The following PLA2G12A variants were observed in gnomAD, a reference collection of about 807,000 sequenced individuals.
The protein encoded by PLA2G12A is phospholipase A2 group XIIA.
Under a neutral mutation model 16.0 loss-of-function variants are expected in PLA2G12A, and 11 were observed. The ratio of observed to expected loss-of-function variants is 0.69; its 90% confidence interval spans 0.43 to 1.13. The LOEUF is 1.13. Among genes scored for constraint, PLA2G12A ranks in the 50% most tolerant of loss-of-function variants. The pLI is 0.00. For missense variants in PLA2G12A, 214 were observed against 237.3 expected (o/e 0.90, Z 0.65); for synonymous variants, 77 against 93.8 (o/e 0.82, Z 1.03).
rs1384956852 is a variant in PLA2G12A, at chr4:109,710,141, AAC to A, written c.*4234_*4235del. 1 of 152,224 alleles carries A rather than the reference AAC, an allele frequency of 6.6e-6. No individual in the cohort carries two copies. The highest frequency in any genetic ancestry group is 2.1e-4 in the South Asian group (1 of 4,832). The allele number at this position is 152,224 out of a possible 1,614,324, so 9.4% of individuals were successfully genotyped here. ...CTAAAAATGCTACTTCAAATATAGC[AAC>A]AGTCACTACATAAGGCTTAAATCAA... On this transcript the variant is annotated 3_prime_UTR_variant, in exon 4 of 4. Coordinates refer to ENST00000243501, the MANE Select transcript of PLA2G12A (RefSeq NM_030821.5).
chr4:109,714,743 T>C (rs1730796567), intron 3 of PLA2G12A, among the ~76,000 whole-genome samples: 1 of 150,642 alleles, frequency 6.6e-6, no homozygotes. Context: ...TTTTTTTTTT[T>C]TTTTTTTTTG....
chr4:109,729,266 G>T (rs909687209), intron 1 of PLA2G12A, among the ~76,000 whole-genome samples: 1 of 151,936 alleles, frequency 6.6e-6, no homozygotes, highest in Non-Finnish European at 1.5e-5. Flanking sequence ...AAACCAGTCT[G>T]TTCCACTCTA....
At chr4:109,717,399 T>A (rs1411300398) in intron 3 of PLA2G12A, 149 bp downstream of exon 3, 4 of 820,328 alleles carry the variant, frequency 4.9e-6, no homozygotes, top group Non-Finnish European at 5.6e-6. Context: ...TATAAAATCA[T>A]CAGCTCCTCA....
intron 2 of PLA2G12A, 108 bp downstream of exon 2, chr4:109,718,575 C>T: frequency 2.4e-6 from 2 of 822,756 alleles, no homozygotes; most frequent in Admixed American, 3.0e-5. Flanking sequence ...ACTCTTACAC[C>T]CAGCTAAATT....
rs779681161 is a variant in PLA2G12A, at chr4:109,729,655, G to A, written c.155C>T (p.Ala52Val). 2 of 1,611,956 alleles carry A rather than the reference G, an allele frequency of 1.2e-6. No individual in the cohort carries two copies. The highest frequency in any genetic ancestry group is 1.7e-6 in the Non-Finnish European group (2 of 1,179,830). ...VHKIDTYLNA[A>V]LDLLGGEDGL... ...GTCCTCGCCTCCCAGGAGGTCCAAG[G>A]CGGCGTTCAGGTACGTGTCTATCTT... The change falls in exon 1 of 4, where the codon GCC becomes GTC. Residue 52 changes from alanine (A) to valine (V), a missense_variant. Physicochemically the swap from Ala to Val is moderately conservative, Grantham distance 64. Coordinates refer to ENST00000243501, the MANE Select transcript of PLA2G12A (RefSeq NM_030821.5).
Position 109,710,376 on chromosome 4 carries a change from A to T in PLA2G12A, c.*4001T>A, listed in dbSNP as rs1266101305. 6.6e-6 allele frequency: 1 copy of T among 152,274 alleles called. No homozygotes were observed. Among genetic ancestry groups the T allele is most frequent in the African/African-American group, 2.4e-5 (1 of 41,480 alleles). The allele number at this position is 152,274 out of a possible 1,614,324, so 9.4% of individuals were successfully genotyped here. A position where few individuals can be genotyped will look rare whatever the true frequency, so the allele number is the denominator to read the frequency against. ...TAGGATAAAATAATGAGCATTGTGC[A>T]TCGCACCTTCTGATAATCTCATACT... On this transcript the variant is annotated 3_prime_UTR_variant, in exon 4 of 4. Coordinates refer to ENST00000243501, the MANE Select transcript of PLA2G12A (RefSeq NM_030821.5).
intron 1 of PLA2G12A, 68 bp from the exon 2 acceptor site, chr4:109,718,827 G>T: frequency 2.0e-6 from 2 of 1,017,384 alleles, no homozygotes; most frequent in Non-Finnish European, 2.9e-6. Context: ...ACTCAAAAAG[G>T]TCAATATGCT....
At chr4:109,728,914 A>C (rs1392308254) in intron 1 of PLA2G12A, among the ~76,000 whole-genome samples, 1 of 152,230 alleles carries the variant, frequency 6.6e-6, no homozygotes, top group Non-Finnish European at 1.5e-5. Flanking sequence ...TCTGCCTGAA[A>C]TACTGAGTTG....
rs964176131 is a variant in PLA2G12A at position 109,710,353 on chromosome 4, G to A, written c.*4024C>T. On this transcript the variant is annotated 3_prime_UTR_variant, in exon 4 of 4. Transcript: ENST00000243501. ...TAGATGTTATACGTGTCTTGTACTA[G>A]GATAAAATAATGAGCATTGTGCATC... 1 of 152,170 alleles carries A rather than the reference G, an allele frequency of 6.6e-6. No individual in the cohort carries two copies. The highest frequency in any genetic ancestry group is 1.5e-5 in the Non-Finnish European group (1 of 68,044). 9.4% of individuals were successfully genotyped at this position (152,170 alleles called of 1,614,324 possible).
intron 1 of PLA2G12A, among the ~76,000 whole-genome samples, chr4:109,720,529 T>C (rs1730903535): frequency 8.2e-6 from 1 of 121,588 alleles, no homozygotes; most frequent in African/African-American, 3.2e-5. Context: ...TGAGCCCAGG[T>C]TTTTGAGACC....
chr4:109,719,945 A>G (rs1438627093), intron 1 of PLA2G12A, among the ~76,000 whole-genome samples: 1 of 152,232 alleles, frequency 6.6e-6, no homozygotes, highest in Non-Finnish European at 1.5e-5. Context: ...GAAGTGCATT[A>G]AAGCAAAACA....
In PLA2G12A at chr4:109,729,835, C is replaced by A. The variant is rs1723016770; in HGVS notation, c.-26G>T. ...GCGCGCAGCGCCGGGCTCTACGGGT[C>A]CCCGAGCCGCGGCGCGGGGCGCGTC... On this transcript the variant is annotated 5_prime_UTR_variant, in exon 1 of 4. Transcript: ENST00000243501. 2 of 1,537,602 alleles carry A rather than the reference C, an allele frequency of 1.3e-6. No individual in the cohort carries two copies. The highest frequency in any genetic ancestry group is 1.2e-5 in the South Asian group (1 of 83,336).
In PLA2G12A at chr4:109,724,633, AT is replaced by A. The variant is rs147953824; in HGVS notation, c.208+4968del. Among the ~76,000 whole-genome samples the A allele has an allele frequency of 3.3e-3, 500 of 152,314 alleles. 6 individuals carry two copies. Among genetic ancestry groups the A allele is most frequent in the African/African-American group, 0.011 (460 of 41,562 alleles). ...TATAGACATTTTCTCATAAGAGATA[AT>A]TACCTTTGAATGGGAGAATGATCAG... On this transcript the variant is annotated intron_variant, in intron 1 of 3. Coordinates refer to ENST00000243501, the MANE Select transcript of PLA2G12A (RefSeq NM_030821.5).
At chr4:109,728,805 C>T (rs1232509254) in intron 1 of PLA2G12A, among the ~76,000 whole-genome samples, 1 of 152,212 alleles carries the variant, frequency 6.6e-6, no homozygotes, top group African/African-American at 2.4e-5. Context: ...GATCTCCCAA[C>T]TGCTCTCTTA....
At chr4:109,716,154 G>A (rs960557734) in intron 3 of PLA2G12A, among the ~76,000 whole-genome samples, 2 of 152,182 alleles carry the variant, frequency 1.3e-5, no homozygotes, top group Admixed American at 1.3e-4. Context: ...GTTTACCTTA[G>A]CCAAAAGCTG....
At chr4:109,724,822 A>G (rs1242585644) in intron 1 of PLA2G12A, among the ~76,000 whole-genome samples, 1 of 152,242 alleles carries the variant, frequency 6.6e-6, no homozygotes, top group Non-Finnish European at 1.5e-5. Context: ...TCTGAAGAAG[A>G]AAAGTTGATA....
chr4:109,721,632 C>T (rs7659831), intron 1 of PLA2G12A, among the ~76,000 whole-genome samples: 2,772 of 152,178 alleles, frequency 0.018, 37 homozygotes, highest in Non-Finnish European at 0.028. Flanking sequence ...GTCCTTCATT[C>T]CTAAGAAAAC....
At position 109,710,370 on chromosome 4, in the gene PLA2G12A, T is replaced by C. The variant is rs1247148632; in HGVS notation, c.*4007A>G. 6.6e-6 allele frequency: 1 copy of C among 152,264 alleles called. No homozygotes were observed. The allele number at this position is 152,264 out of a possible 1,614,324, so 9.4% of individuals were successfully genotyped here. On this transcript the variant is annotated 3_prime_UTR_variant, in exon 4 of 4. Coordinates refer to ENST00000243501, the MANE Select transcript of PLA2G12A (RefSeq NM_030821.5). The stretch of plus-strand genomic sequence containing the variant: ...TTGTACTAGGATAAAATAATGAGCA[T>C]TGTGCATCGCACCTTCTGATAATCT...
At position 109,729,883 on chromosome 4, in the gene PLA2G12A, C is replaced by A; in HGVS notation, c.-74G>T. 2 of 1,349,134 alleles carry A rather than the reference C, an allele frequency of 1.5e-6. No individual in the cohort carries two copies. Among genetic ancestry groups the A allele is most frequent in the South Asian group, 3.0e-5 (2 of 66,056 alleles). The allele number at this position is 1,349,134 out of a possible 1,614,324, so 83.6% of individuals were successfully genotyped here. A position where few individuals can be genotyped will look rare whatever the true frequency, so the allele number is the denominator to read the frequency against. On this transcript the variant is annotated 5_prime_UTR_variant, in exon 1 of 4. An upstream open reading frame in the 5' UTR loses its in-frame stop. Transcript: ENST00000243501. ...GTCCCCACAGAGTCCCCAGGACGCG[C>A]TAGGCAGCGGCGCGGGCCCCGGACT...
Sources: allele counts gnomAD v4.1 joint callset (sites outside exome capture counted in the v4.1 genomes callset), GRCh38; gene constraint gnomAD v4.1.1; transcripts MANE v1.5; gene names NCBI Gene and HGNC (gene_info 2026-07-23, HGNC 2026-07-21).